The following COPRS variants were observed in gnomAD, a reference collection of about 807,000 sequenced individuals.
COPRS encodes coordinator of PRMT5 and differentiation stimulator, also known as cooperator of PRMT5.
COPRS carries 11 observed loss-of-function variants against 19.9 expected under a neutral mutation model. That is an observed-to-expected ratio of 0.55 (90% confidence interval 0.35 to 0.92). COPRS has a LOEUF of 0.92. Ranked by LOEUF, COPRS falls within the 40% of genes least tolerant of loss-of-function variation. The probability of loss-of-function intolerance (pLI) is 0.01; values close to 1 mark genes in which losing one functional copy is unlikely to be tolerated. For synonymous variants in COPRS, 81 were observed against 82.7 expected, an observed-to-expected ratio of 0.98 and a Z score of 0.11; for missense variants, 225 against 229.9, an observed-to-expected ratio of 0.98 and a Z score of 0.14.
intron 2 of COPRS, 94 bp from the exon 3 acceptor site, chr17:31,853,124 TAAAAC>T: frequency 1.2e-6 from 1 of 856,638 alleles, no homozygotes; most frequent in Non-Finnish European, 2.0e-6. Context: ...ACGAAGGTAG[TAAAAC>T]AAGTGCACAG....
At chr17:31,859,000 A>C in intron 1 of COPRS, 101 bp downstream of exon 1, 1 of 1,249,168 alleles carries the variant, frequency 8.0e-7, no homozygotes, top group South Asian at 2.8e-5. Context: ...GGCCGGCCAG[A>C]GGCGCTTCCC....
chr17:31,856,668 G>A (rs1344248715), intron 2 of COPRS, 131 bp downstream of exon 2: 1 of 735,066 alleles, frequency 1.4e-6, no homozygotes, highest in Admixed American at 2.2e-5. Context: ...GGAGGTTACT[G>A]TTCAACTGGG....
chr17:31,853,027 C>A lies in COPRS; in HGVS notation c.170G>T (p.Arg57Leu). 1 of 1,611,464 alleles carries A rather than the reference C, an allele frequency of 6.2e-7. No homozygotes were observed. Among genetic ancestry groups the A allele is most frequent in the Non-Finnish European group, 8.5e-7 (1 of 1,177,606 alleles). ...ETEKAMDRLA[R>L]GTQSIPNDSP... ...GTCATTAGGAATGCTCTGTGTTCCA[C>A]GGGCTAAATTGACAAAGAGAAGATG... The change falls in exon 3 of 4, where the codon CGT becomes CTT. Residue 57 changes from arginine to leucine, a missense_variant. Arg to Leu is a moderately radical substitution (Grantham distance 102, BLOSUM62 -2). Transcript: ENST00000302362.
intron 2 of COPRS, 70 bp downstream of exon 2, chr17:31,856,729 T>G (rs767950400): frequency 5.2e-6 from 5 of 964,856 alleles, no homozygotes; most frequent in Non-Finnish European, 6.8e-6. Context: ...AGAAGGTAAA[T>G]GAGACAGAGG....
chr17:31,856,893 G>A (rs745810525), intron 1 of COPRS, 28 bp from the exon 2 acceptor site: 2 of 1,453,946 alleles, frequency 1.4e-6, no homozygotes, highest in East Asian at 4.5e-5. Flanking sequence ...GATTACCAAG[G>A]ACTTGGGTAT....
At chr17:31,855,813 T>C (rs1909329859) in intron 2 of COPRS, among the ~76,000 whole-genome samples, 3 of 151,466 alleles carry the variant, frequency 2.0e-5, no homozygotes, top group South Asian at 2.1e-4. Context: ...CTGGCTAACA[T>C]GGTGAAACCC....
rs556598932 is a variant in COPRS, at chr17:31,853,242, G to A, written c.167-212C>T. Among the ~76,000 whole-genome samples the A allele has an allele frequency of 3.6e-3, 552 of 152,244 alleles. 2 individuals carry two copies. Among genetic ancestry groups the A allele is most frequent in the Non-Finnish European group, 6.7e-3 (454 of 68,018 alleles). ...CAATAAGACGTTTTGTCTTATACAA[G>A]GCATTAATTGTCAGGTCCTTTAATT... On this transcript the variant is annotated intron_variant, in intron 2 of 3. Transcript: ENST00000302362.
chr17:31,859,053 C>T (rs1205341583), intron 1 of COPRS, 48 bp downstream of exon 1: 4 of 1,155,682 alleles, frequency 3.5e-6, no homozygotes, highest in Middle Eastern at 3.6e-4. Flanking sequence ...CGACTTCCCG[C>T]CCCAGGCTGC....
chr17:31,856,245 G>A (rs1909347609), intron 2 of COPRS, among the ~76,000 whole-genome samples: 1 of 152,128 alleles, frequency 6.6e-6, no homozygotes, highest in African/African-American at 2.4e-5. Flanking sequence ...TGAGGCAGGA[G>A]AATTGCTTTA....
intron 2 of COPRS, among the ~76,000 whole-genome samples, chr17:31,853,357 T>C (rs759019040): frequency 2.0e-5 from 3 of 151,740 alleles, no homozygotes; most frequent in Non-Finnish European, 4.4e-5. Context: ...ACTTTCACAA[T>C]ACAAGCCTGA....
rs201832910 is a variant in COPRS at position 31,855,501 on chromosome 17, A to AAAATAAAT, written c.166+1290_166+1297dup. 4.6e-3 allele frequency among the ~76,000 whole-genome samples: 698 copies of AAAATAAAT among 151,516 alleles called. 6 individuals carry two copies. Among genetic ancestry groups the AAAATAAAT allele is most frequent in the African/African-American group, 0.016 (659 of 41,158 alleles). ...GAGACAGAGCGAGACTCCGTCTCAA[A>AAAATAAAT]AAATAAATAAATAAATAAATAAATA... On this transcript the variant is annotated intron_variant, in intron 2 of 3. Coordinates refer to ENST00000302362, the MANE Select transcript of COPRS (RefSeq NM_018405.4).
Sources: gnomAD v4.1 joint callset for allele counts (sites outside exome capture counted in the v4.1 genomes callset) on GRCh38, gnomAD v4.1.1 for gene constraint, MANE v1.5 for transcripts, NCBI Gene and HGNC (gene_info 2026-07-23, HGNC 2026-07-21) for gene names.